Variants in ATP10B observed in about 807,000 individuals in gnomAD.
ATP10B encodes phospholipid-transporting ATPase VB.
ATP10B carries 122 observed loss-of-function variants against 141.2 expected under a neutral mutation model. The observed-to-expected ratio is 0.86, with a 90% CI of 0.75 to 1.00. The LOEUF is 1.00. Among genes scored for constraint, ATP10B ranks in the 50% least tolerant of loss-of-function variants. ATP10B has a pLI of 0.00. For synonymous variants in ATP10B, 685 were observed against 692.0 expected (o/e 0.99, Z 0.16); for missense variants, 1,876 against 1,825.3 (o/e 1.03, Z -0.51).
At chr5:160,901,371 T>C in the ATP10B span, among the ~76,000 whole-genome samples, 2 of 152,336 alleles carry the variant, frequency 1.3e-5, no homozygotes, top group South Asian at 4.1e-4. Context: ...TAAAGAGTTA[T>C]GTCTGCTTTG....
intron 2 of ATP10B, among the ~76,000 whole-genome samples, chr5:160,772,830 G>T (rs1248323817): frequency 6.6e-6 from 1 of 152,164 alleles, no homozygotes; most frequent in Non-Finnish European, 1.5e-5. Flanking sequence ...AACTCAGACA[G>T]ATTCCCAGAT....
chr5:160,588,661 T>C (rs1017467826), intron 24 of ATP10B, among the ~76,000 whole-genome samples: 41 of 152,136 alleles, frequency 2.7e-4, no homozygotes, highest in African/African-American at 8.7e-4. Flanking sequence ...TTAAACCTTA[T>C]TGCATCTGCC....
chr5:160,843,677 G>C (rs1775941456), intron 1 of ATP10B, among the ~76,000 whole-genome samples: 1 of 151,846 alleles, frequency 6.6e-6, no homozygotes, highest in South Asian at 2.1e-4. Flanking sequence ...TATTTAAAAA[G>C]TTTTGATCAA....
the ATP10B span, among the ~76,000 whole-genome samples, chr5:160,871,308 G>C: frequency 2.0e-5 from 3 of 151,972 alleles, no homozygotes; most frequent in Non-Finnish European, 4.4e-5. Flanking sequence ...GAGGGAATTA[G>C]AATAATTTTT....
At chr5:160,766,272 CAATTTGCAATTGCAAA>C (rs60818175) in intron 2 of ATP10B, among the ~76,000 whole-genome samples, 100,398 of 150,602 alleles carry the variant, frequency 0.67, 33,747 homozygotes, top group African/African-American at 0.74. Context: ...TATAGCAGCA[CAATTTGCAATTGCAAA>C]AATACGGAAC....
chr5:160,803,064 G>A (rs531722203), intron 1 of ATP10B, among the ~76,000 whole-genome samples: 1 of 152,302 alleles, frequency 6.6e-6, no homozygotes, highest in East Asian at 1.9e-4. Context: ...TCCGTGACAT[G>A]CTCCTGTTCA....
chr5:160,837,735 T>C (rs914129606), intron 1 of ATP10B, among the ~76,000 whole-genome samples: 5 of 152,152 alleles, frequency 3.3e-5, no homozygotes, highest in East Asian at 1.9e-4. Context: ...TTATCCTGCG[T>C]TTTTCAAATA....
At chr5:160,577,052 C>T (rs1036730918) in intron 24 of ATP10B, among the ~76,000 whole-genome samples, 1 of 152,202 alleles carries the variant, frequency 6.6e-6, no homozygotes, top group African/African-American at 2.4e-5. Flanking sequence ...CTTTAGCTTC[C>T]TTCTCTGAAG....
At chr5:160,657,935 A>C (rs1761621084) in intron 7 of ATP10B, among the ~76,000 whole-genome samples, 1 of 152,236 alleles carries the variant, frequency 6.6e-6, no homozygotes, top group South Asian at 2.1e-4. Flanking sequence ...TGGCACCTTA[A>C]GGGAGTATTA....
rs987801428 is a variant in ATP10B, at chr5:160,578,969, C to T, written c.3751-9286G>A. Reference sequence around the variant, plus strand: ...GCTTTTTTCATATGTTTGTTGGCCACATAAATGTCTTCTTTTGAGAAGTAT... The same window carrying T: ...GCTTTTTTCATATGTTTGTTGGCCATATAAATGTCTTCTTTTGAGAAGTAT... On this transcript the variant is annotated intron_variant, in intron 24 of 25. Coordinates refer to ENST00000327245, the MANE Select transcript of ATP10B (RefSeq NM_025153.3). 2.0e-5 allele frequency among the ~76,000 whole-genome samples: 3 copies of T among 152,338 alleles called. No individual in the cohort carries two copies. The East Asian group carries it at 5.8e-4, about 29-fold the overall frequency.
chr5:160,566,274 C>T (rs946449751), intron 25 of ATP10B, among the ~76,000 whole-genome samples: 1 of 152,176 alleles, frequency 6.6e-6, no homozygotes, highest in African/African-American at 2.4e-5. Context: ...TGGTCAGAAC[C>T]ACACTCTCTG....
chr5:160,787,902 C>T (rs925035458), intron 1 of ATP10B, among the ~76,000 whole-genome samples: 2 of 152,076 alleles, frequency 1.3e-5, no homozygotes, highest in Admixed American at 1.3e-4. Flanking sequence ...TAATTAGATG[C>T]CAACAGCTAA....
chr5:160,830,662 ATTTTT>A (rs372642494), intron 1 of ATP10B, among the ~76,000 whole-genome samples: 1 of 149,880 alleles, frequency 6.7e-6, no homozygotes, highest in Non-Finnish European at 1.5e-5. Flanking sequence ...GAAACTCTGG[ATTTTT>A]TTTTTAAGTT....
rs1445117701 is a variant in ATP10B, at chr5:160,568,540, G to C, written c.3938+956C>G. On this transcript the variant is annotated intron_variant, in intron 25 of 25. Transcript: ENST00000327245. ...TGGAGAGAGGCTAAGTCTTTCCTAT[G>C]GGAACATCATCATCAAGTTCACTGC... Among the ~76,000 whole-genome samples the C allele has an allele frequency of 2.6e-5, 4 of 152,122 alleles. No homozygotes were observed. In the East Asian group the frequency reaches 7.7e-4, roughly 29 times the overall value.
the ATP10B span, among the ~76,000 whole-genome samples, chr5:160,860,440 G>C: frequency 5.3e-5 from 8 of 151,708 alleles, no homozygotes; most frequent in African/African-American, 1.9e-4. Flanking sequence ...CCAACATTAG[G>C]CTTGGTTCTT....
chr5:160,766,815 AG>A (rs1261963288), intron 2 of ATP10B, among the ~76,000 whole-genome samples: 1 of 152,234 alleles, frequency 6.6e-6, no homozygotes, highest in Non-Finnish European at 1.5e-5. Flanking sequence ...AATTAGCTTT[AG>A]AAAAAAAATA....
At chr5:160,641,378 C>G (rs1417430444) in intron 9 of ATP10B, among the ~76,000 whole-genome samples, 2 of 152,168 alleles carry the variant, frequency 1.3e-5, no homozygotes, top group Non-Finnish European at 2.9e-5. Flanking sequence ...GGTCCCCACC[C>G]CAGCACTAAC....
chr5:160,622,515 A>G lies in ATP10B; in HGVS notation c.1691T>C (p.Leu564Ser). 1 of 1,614,038 alleles carries G rather than the reference A, an allele frequency of 6.2e-7. No individual in the cohort carries two copies. The highest frequency in any genetic ancestry group is 8.5e-7 in the Non-Finnish European group (1 of 1,179,982). The change falls in exon 14 of 26, where the codon TTG (leucine) becomes TCG (serine). Residue 564 changes from leucine (L) to serine (S), a missense_variant. Physicochemically the swap from Leu to Ser is moderately radical, Grantham distance 145 (BLOSUM62 -2). Coordinates refer to ENST00000327245, the MANE Select transcript of ATP10B (RefSeq NM_025153.3). ...AGCCTTGGCAGGTCTGCTGTCTGACAAGGTCTCCAACCACAGGGCAGCATC... is the reference window on the plus strand; with the variant it reads ...AGCCTTGGCAGGTCTGCTGTCTGACGAGGTCTCCAACCACAGGGCAGCATC... Reference protein sequence around the residue: ...VRDAALWLETLSDSRPAKASL... With the variant: ...VRDAALWLETSSDSRPAKASL...
chr5:160,665,472 T>C (rs1762267375), intron 7 of ATP10B, among the ~76,000 whole-genome samples: 1 of 152,236 alleles, frequency 6.6e-6, no homozygotes, highest in Non-Finnish European at 1.5e-5. Context: ...TAAATAAATT[T>C]GGAGAGCTCA....
Sources: allele counts gnomAD v4.1 joint callset (sites outside exome capture counted in the v4.1 genomes callset), GRCh38; gene constraint gnomAD v4.1.1; transcripts MANE v1.5; gene names NCBI Gene and HGNC (gene_info 2026-07-23, HGNC 2026-07-21).